Variants in ZNF250 observed in about 807,000 individuals in gnomAD.
ZNF250 encodes the protein zinc finger protein (clone 647).
Under a neutral mutation model 37.1 loss-of-function variants are expected in ZNF250, and 13 were observed. The ratio of observed to expected loss-of-function variants is 0.35; its 90% CI spans 0.23 to 0.56. The LOEUF (loss-of-function observed/expected upper bound fraction) is 0.56, where lower values mean the gene tolerates loss of function less well. Among genes scored for constraint, ZNF250 ranks in the 20% least tolerant of loss-of-function variants. The pLI, the probability that ZNF250 is intolerant of heterozygous loss-of-function variation, is 0.87. For synonymous variants in ZNF250, 251 were observed against 265.6 expected, an observed-to-expected ratio of 0.94 and a Z score of 0.54; for missense variants, 474 against 697.9, an observed-to-expected ratio of 0.68 and a Z score of 3.61.
intron 1 of ZNF250, among the ~76,000 whole-genome samples, chr8:144,899,196 G>A (rs539503739): frequency 6.6e-6 from 1 of 152,130 alleles, no homozygotes; most frequent in East Asian, 1.9e-4. Flanking sequence ...TGGAGGTAGA[G>A]GGTAGAATGA....
chr8:144,894,495 G>A (rs979110466), intron 1 of ZNF250, among the ~76,000 whole-genome samples: 1 of 151,740 alleles, frequency 6.6e-6, no homozygotes, highest in Non-Finnish European at 1.5e-5. Flanking sequence ...CCCACCCACC[G>A]CAGCAGCCCT....
rs969666656 is a variant in ZNF250 at position 144,882,958 on chromosome 8, C to T, written c.347-122G>A. 1 of 1,079,524 alleles carries T rather than the reference C, an allele frequency of 9.3e-7. No homozygotes were observed. The highest frequency in any genetic ancestry group is 1.6e-5 in the African/African-American group (1 of 63,306). 66.9% of individuals were successfully genotyped at this position (1,079,524 alleles called of 1,614,324 possible). ...CCCTCAATGCACACGTTGGTGTGAGCTACAGAAGAACAGAACCACCATAAC... is the reference window on the plus strand; with the variant it reads ...CCCTCAATGCACACGTTGGTGTGAGTTACAGAAGAACAGAACCACCATAAC... On this transcript the variant is annotated intron_variant, in intron 5 of 5. Coordinates refer to ENST00000417550, the MANE Select transcript of ZNF250 (RefSeq NM_001109689.4). The surrounding 1 kb of genome is among the most constrained non-coding windows in gnomAD (Gnocchi z 5.5).
intron 1 of ZNF250, among the ~76,000 whole-genome samples, chr8:144,899,656 A>C (rs1832974374): frequency 6.6e-6 from 1 of 152,250 alleles, no homozygotes; most frequent in Non-Finnish European, 1.5e-5. Context: ...AATCATATGC[A>C]CATCAAAGCT....
At chr8:144,887,604 C>T (rs1241162235) in intron 4 of ZNF250, among the ~76,000 whole-genome samples, 3 of 152,164 alleles carry the variant, frequency 2.0e-5, no homozygotes, top group Non-Finnish European at 4.4e-5. Context: ...TTCACAGTCT[C>T]TGTGGTGTCA....
At chr8:144,900,342 T>C (rs1343186728) in intron 1 of ZNF250, among the ~76,000 whole-genome samples, 1 of 151,700 alleles carries the variant, frequency 6.6e-6, no homozygotes, top group Non-Finnish European at 1.5e-5. Flanking sequence ...GGAGGACGAG[T>C]GGAGCGCCCC....
rs1367526529 is a variant in ZNF250, at chr8:144,878,176, C to T, written c.*3339G>A. The T allele has an allele frequency of 6.6e-6, 1 of 152,214 alleles. No homozygotes were observed. Among genetic ancestry groups the T allele is most frequent in the African/African-American group, 2.4e-5 (1 of 41,454 alleles). The allele number at this position is 152,214 out of a possible 1,614,324, so 9.4% of individuals were successfully genotyped here. On this transcript the variant is annotated 3_prime_UTR_variant, in exon 6 of 6. Transcript: ENST00000417550. ...GGGTGATCTCTTGGCTCTGAAGTAA[C>T]ACCTCAGTAATCTCAGTTCCTCTTT...
At chr8:144,887,188 T>C (rs991458171) in intron 4 of ZNF250, among the ~76,000 whole-genome samples, 1 of 133,298 alleles carries the variant, frequency 7.5e-6, no homozygotes, top group Non-Finnish European at 1.5e-5. Context: ...AGACAAGAAG[T>C]TGCAGTGAGC....
chr8:144,888,418 G>A (rs561984033), intron 4 of ZNF250, among the ~76,000 whole-genome samples: 1 of 152,044 alleles, frequency 6.6e-6, no homozygotes, highest in Non-Finnish European at 1.5e-5. Context: ...CCAACATGGT[G>A]AAATCCTGTC....
In ZNF250 at chr8:144,877,930, ACTTTGT is replaced by A. The variant is rs1197125018; in HGVS notation, c.*3579_*3584del. 1 of 152,184 alleles carries A rather than the reference ACTTTGT, an allele frequency of 6.6e-6. No homozygotes were observed. The highest frequency in any genetic ancestry group is 1.5e-5 in the Non-Finnish European group (1 of 68,036). The allele number at this position is 152,184 out of a possible 1,614,324, so 9.4% of individuals were successfully genotyped here. A position where few individuals can be genotyped will look rare whatever the true frequency, so the allele number is the denominator to read the frequency against. On this transcript the variant is annotated 3_prime_UTR_variant, in exon 6 of 6. Coordinates refer to ENST00000417550, the MANE Select transcript of ZNF250 (RefSeq NM_001109689.4). Reference sequence around the variant, plus strand: ...TTATTCTCATCTTAATTGGAATATGACTTTGTCTTTAATGATTAGAAATTGGGGCCT... The same window carrying A: ...TTATTCTCATCTTAATTGGAATATGACTTTAATGATTAGAAATTGGGGCCT...
intron 1 of ZNF250, among the ~76,000 whole-genome samples, chr8:144,892,312 C>A (rs530300942): frequency 6.6e-6 from 1 of 152,086 alleles, no homozygotes; most frequent in Non-Finnish European, 1.5e-5. Context: ...TAGAGAATAG[C>A]CAAGAATTTA....
chr8:144,900,618 A>G (rs879310646), intron 1 of ZNF250, among the ~76,000 whole-genome samples: 1 of 152,194 alleles, frequency 6.6e-6, no homozygotes, highest in Non-Finnish European at 1.5e-5. Context: ...TGTTGCAAAG[A>G]GTTGGGCTCA....
rs973607647 is a variant in ZNF250, at chr8:144,880,486, G to A, written c.*1029C>T. 3.9e-5 allele frequency: 18 copies of A among 456,584 alleles called. No homozygotes were observed. Among genetic ancestry groups the A allele is most frequent in the Admixed American group, 1.4e-4 (6 of 42,552 alleles). The allele number at this position is 456,584 out of a possible 1,614,324, so 28.3% of individuals were successfully genotyped here. A position where few individuals can be genotyped will look rare whatever the true frequency, so the allele number is the denominator to read the frequency against. ...GCAGGTCATAAGGGCAAGTTTTGAG[G>A]AAAATACCCATTTTTGAGTTGAATT... On this transcript the variant is annotated 3_prime_UTR_variant, in exon 6 of 6. Coordinates refer to ENST00000417550, the MANE Select transcript of ZNF250 (RefSeq NM_001109689.4).
chr8:144,901,278 A>G lies in ZNF250; in HGVS notation c.-55+121T>C, dbSNP rs1833089446. 1 of 152,262 alleles carries G rather than the reference A, an allele frequency of 6.6e-6. No homozygotes were observed. The highest frequency in any genetic ancestry group is 1.5e-5 in the Non-Finnish European group (1 of 68,136). 9.4% of individuals were successfully genotyped at this position (152,262 alleles called of 1,614,324 possible). Reference sequence around the variant, plus strand: ...TCCGTGAGGGGAGGGGACCAGCGTAAACGCAGGAGGCAGTGCGTGCTCGCG... The same window carrying G: ...TCCGTGAGGGGAGGGGACCAGCGTAGACGCAGGAGGCAGTGCGTGCTCGCG... On this transcript the variant is annotated intron_variant, in intron 1 of 5. Coordinates refer to ENST00000417550, the MANE Select transcript of ZNF250 (RefSeq NM_001109689.4). The surrounding 1 kb of genome is among the most constrained non-coding windows in gnomAD (Gnocchi z 5.4).
Position 144,897,846 on chromosome 8 carries a change from T to A in ZNF250, c.-55+3553A>T, listed in dbSNP as rs1563903244. On this transcript the variant is annotated intron_variant, in intron 1 of 5. Transcript: ENST00000417550. This position sits in a 1 kb window ranked among gnomAD's most constrained non-coding sequence, Gnocchi z 5.2. Reference sequence around the variant, plus strand: ...GGGCTAGTTAACTGTAGCAGGAGCATGTCCTTAAGGCACAGATCGCTCATG... The same window carrying A: ...GGGCTAGTTAACTGTAGCAGGAGCAAGTCCTTAAGGCACAGATCGCTCATG... Among the ~76,000 whole-genome samples, 1 of 152,262 alleles carries A rather than the reference T, an allele frequency of 6.6e-6. No individual in the cohort carries two copies. The highest frequency in any genetic ancestry group is 1.5e-5 in the Non-Finnish European group (1 of 68,050).
In ZNF250 at chr8:144,882,926, G is replaced by T. The variant is rs1831602447; in HGVS notation, c.347-90C>A. ...TGAAACTGGCCTTGCTGATGAAGGT[G>T]CAAAATCCCTCAATGCACACGTTGG... On this transcript the variant is annotated intron_variant, in intron 5 of 5. Coordinates refer to ENST00000417550, the MANE Select transcript of ZNF250 (RefSeq NM_001109689.4). The surrounding 1 kb of genome is among the most constrained non-coding windows in gnomAD (Gnocchi z 5.5). 1 of 1,452,594 alleles carries T rather than the reference G, an allele frequency of 6.9e-7. No homozygotes were observed. Among genetic ancestry groups the T allele is most frequent in the Non-Finnish European group, 9.3e-7 (1 of 1,072,948 alleles). 90.0% of individuals were successfully genotyped at this position (1,452,594 alleles called of 1,614,324 possible).
In ZNF250 at chr8:144,879,051, A is replaced by G. The variant is rs1831290656; in HGVS notation, c.*2464T>C. 1 of 152,248 alleles carries G rather than the reference A, an allele frequency of 6.6e-6. No individual in the cohort carries two copies. The highest frequency in any genetic ancestry group is 1.5e-5 in the Non-Finnish European group (1 of 68,042). 9.4% of individuals were successfully genotyped at this position (152,248 alleles called of 1,614,324 possible). ...GATCTCAGCTCTTCTCCAAAGAAACAGTTAAGCTCTTGTCTTCTCTGAACT... is the reference window on the plus strand; with the variant it reads ...GATCTCAGCTCTTCTCCAAAGAAACGGTTAAGCTCTTGTCTTCTCTGAACT... On this transcript the variant is annotated 3_prime_UTR_variant, in exon 6 of 6. Transcript: ENST00000417550.
chr8:144,884,116 C>G (rs749814384), intron 5 of ZNF250, among the ~76,000 whole-genome samples: 1 of 152,152 alleles, frequency 6.6e-6, no homozygotes, highest in Non-Finnish European at 1.5e-5. Context: ...GGAGCACAGT[C>G]TTCTGGAACT....
chr8:144,892,841 A>C (rs1206988872), intron 1 of ZNF250, among the ~76,000 whole-genome samples: 2 of 146,412 alleles, frequency 1.4e-5, no homozygotes, highest in Non-Finnish European at 3.0e-5. Flanking sequence ...TACAGGCGTG[A>C]GCCACCGTGT....
chr8:144,900,971 CT>C (rs1833061544), intron 1 of ZNF250, among the ~76,000 whole-genome samples: 2 of 152,212 alleles, frequency 1.3e-5, no homozygotes. Context: ...GACTGCGCCC[CT>C]AGGACTCCGG....
Sources: allele counts gnomAD v4.1 joint callset (sites outside exome capture counted in the v4.1 genomes callset), GRCh38; gene constraint gnomAD v4.1.1; non-coding constraint Gnocchi (gnomAD v3.1); transcripts MANE v1.5; gene names NCBI Gene and HGNC (gene_info 2026-07-23, HGNC 2026-07-21).